Variants in ARMC9 observed in about 807,000 individuals in gnomAD.
The protein encoded by ARMC9 is armadillo repeat containing 9.
A neutral mutation model predicts 107.0 loss-of-function variants in ARMC9; 94 were observed. That is an observed-to-expected ratio of 0.88 (90% CI 0.74 to 1.04). The LOEUF (loss-of-function observed/expected upper bound fraction) is 1.04, where lower values mean the gene tolerates loss of function less well. Among genes scored for constraint, ARMC9 ranks in the 50% least tolerant of loss-of-function variants. ARMC9 has a pLI of 0.00. For missense variants in ARMC9, 942 were observed against 1,030.1 expected, an observed-to-expected ratio of 0.91 and a Z score of 1.17; for synonymous variants, 380 against 396.9, an observed-to-expected ratio of 0.96 and a Z score of 0.51.
At chr2:231,215,526 G>A (rs1008907202) in intron 4 of ARMC9, among the ~76,000 whole-genome samples, 8 of 152,320 alleles carry the variant, frequency 5.3e-5, no homozygotes, top group African/African-American at 1.9e-4. Context: ...AAAAGAGTAC[G>A]TCTCTTTGTG....
At chr2:231,248,991 C>T (rs2037042117) in intron 9 of ARMC9, among the ~76,000 whole-genome samples, 1 of 152,074 alleles carries the variant, frequency 6.6e-6, no homozygotes, top group Admixed American at 6.5e-5. Flanking sequence ...TCCTTACCCA[C>T]GTGCATCCTG....
chr2:231,312,728 A>G (rs997791303), intron 19 of ARMC9, among the ~76,000 whole-genome samples: 4 of 151,836 alleles, frequency 2.6e-5, no homozygotes, highest in Admixed American at 2.0e-4. Flanking sequence ...TCAGTCTTAT[A>G]CTACCCTGGC....
intron 3 of ARMC9, among the ~76,000 whole-genome samples, chr2:231,214,178 G>A (rs555751495): frequency 5.3e-5 from 8 of 152,362 alleles, no homozygotes; most frequent in African/African-American, 1.9e-4. Context: ...ACGGCACTGA[G>A]CCGGTGCTCC....
At chr2:231,263,483 C>T (rs944711748) in intron 12 of ARMC9, among the ~76,000 whole-genome samples, 2 of 152,214 alleles carry the variant, frequency 1.3e-5, no homozygotes, top group East Asian at 1.9e-4. Flanking sequence ...GGAGCCTACT[C>T]GCACAATAAC....
At chr2:231,234,324 G>A (rs538517939) in intron 7 of ARMC9, among the ~76,000 whole-genome samples, 4 of 152,290 alleles carry the variant, frequency 2.6e-5, no homozygotes, top group Admixed American at 2.6e-4. Context: ...GCCCACGGGG[G>A]GATTCCAAGC....
In ARMC9 at chr2:231,371,023, C is replaced by T. The variant is rs753407104; in HGVS notation, c.2435-490C>T. 5.9e-5 allele frequency: 27 copies of T among 455,002 alleles called. No homozygotes were observed. In the Middle Eastern group the frequency reaches 5.8e-3, roughly 97 times the overall value. The allele number at this position is 455,002 out of a possible 1,614,324, so 28.2% of individuals were successfully genotyped here. ...CATGGCTGGGGAGCCAGGTTGGGAC[C>T]CCTCCCACTTCCCACTGGGAAACAC... On this transcript the variant is annotated intron_variant, in intron 24 of 24. Coordinates refer to ENST00000611582, the MANE Select transcript of ARMC9 (RefSeq NM_001352754.2).
intron 9 of ARMC9, chr2:231,256,032 TCA>T: frequency 7.0e-7 from 1 of 1,436,814 alleles, no homozygotes; most frequent in Non-Finnish European, 9.3e-7. Flanking sequence ...AGAGCAAGAC[TCA>T]GTCTCAAAAA....
At chr2:231,252,257 A>G (rs894459999) in intron 9 of ARMC9, among the ~76,000 whole-genome samples, 5 of 152,108 alleles carry the variant, frequency 3.3e-5, no homozygotes, top group African/African-American at 1.2e-4. Flanking sequence ...GTAATATTTT[A>G]TTTATTTTTG....
chr2:231,346,561 A>G (rs973322191), intron 21 of ARMC9, among the ~76,000 whole-genome samples: 10 of 152,168 alleles, frequency 6.6e-5, no homozygotes, highest in African/African-American at 2.4e-4. Flanking sequence ...AGAGCTTTCA[A>G]TTAACATTTG....
chr2:231,273,067 G>C lies in ARMC9; in HGVS notation c.1323G>C (p.Lys441Asn). 6.8e-6 allele frequency: 11 copies of C among 1,613,498 alleles called. No individual in the cohort carries two copies. Among genetic ancestry groups the C allele is most frequent in the Non-Finnish European group, 9.3e-6 (11 of 1,179,634 alleles). ...AGAATGTTCTTGGGGCCCTGCAGAA[G>C]TTCAGTCTCAGGTAACGACTGTGCA... The part of the protein sequence containing the change: ...TRENVLGALQ[K>N]FSLRRPLQTA... Residue 441 changes from lysine (K) to asparagine (N), a missense_variant, in exon 14 of 25, where the codon AAG becomes AAC. Physicochemically the swap from Lys to Asn is moderately conservative, Grantham distance 94. Coordinates refer to ENST00000611582, the MANE Select transcript of ARMC9 (RefSeq NM_001352754.2).
At chr2:231,237,579 C>T (rs1312774916) in intron 8 of ARMC9, among the ~76,000 whole-genome samples, 1 of 151,414 alleles carries the variant, frequency 6.6e-6, no homozygotes, top group Non-Finnish European at 1.5e-5. Flanking sequence ...GTCTACTCCC[C>T]CAGTAGTGTA....
intron 7 of ARMC9, 129 bp downstream of exon 7, chr2:231,226,927 T>A: frequency 9.0e-7 from 1 of 1,112,620 alleles, no homozygotes; most frequent in Non-Finnish European, 1.3e-6. Flanking sequence ...TATGAAAGGC[T>A]TTGCAGTCAT....
At chr2:231,231,968 C>T (rs1277362784) in intron 7 of ARMC9, among the ~76,000 whole-genome samples, 9 of 150,676 alleles carry the variant, frequency 6.0e-5, no homozygotes, top group South Asian at 2.1e-4. Flanking sequence ...GGATTACAGG[C>T]GTGAGCCACT....
chr2:231,239,494 A>T (rs2036084093), intron 8 of ARMC9, among the ~76,000 whole-genome samples: 1 of 152,240 alleles, frequency 6.6e-6, no homozygotes, highest in South Asian at 2.1e-4. Flanking sequence ...TGTGGCTGTT[A>T]CAATAAAGGT....
At chr2:231,243,211 C>T (rs1017051141) in intron 9 of ARMC9, among the ~76,000 whole-genome samples, 12 of 150,374 alleles carry the variant, frequency 8.0e-5, no homozygotes, top group Admixed American at 4.6e-4. Context: ...CACGCCACTG[C>T]ACTCCAGCCT....
At chr2:231,288,251 G>A (rs1035595009) in intron 17 of ARMC9, among the ~76,000 whole-genome samples, 2 of 151,946 alleles carry the variant, frequency 1.3e-5, no homozygotes, top group African/African-American at 4.8e-5. Flanking sequence ...TAAATAAGAA[G>A]CAACATATTA....
intron 9 of ARMC9, among the ~76,000 whole-genome samples, chr2:231,242,628 T>A (rs766954254): frequency 4.6e-5 from 7 of 152,170 alleles, no homozygotes; most frequent in South Asian, 4.2e-4. Flanking sequence ...TGTGGCTTTC[T>A]CATAGCAATT....
intron 19 of ARMC9, among the ~76,000 whole-genome samples, chr2:231,329,867 A>C (rs2043602520): frequency 6.6e-6 from 1 of 152,194 alleles, no homozygotes; most frequent in African/African-American, 2.4e-5. Context: ...TTATTTCTAC[A>C]TAGACAGTCA....
At chr2:231,292,275 A>C (rs1034344875) in intron 18 of ARMC9, among the ~76,000 whole-genome samples, 2 of 152,128 alleles carry the variant, frequency 1.3e-5, no homozygotes, top group African/African-American at 4.8e-5. Flanking sequence ...AGAACTTAGA[A>C]GCAATTACAG....
Sources: gnomAD v4.1 joint callset for allele counts (sites outside exome capture counted in the v4.1 genomes callset) on GRCh38, gnomAD v4.1.1 for gene constraint, MANE v1.5 for transcripts, NCBI Gene and HGNC (gene_info 2026-07-23, HGNC 2026-07-21) for gene names.